The following CAST variants were observed in gnomAD, a reference collection of about 807,000 sequenced individuals.
CAST encodes the protein MIR583 host.
CAST carries 76 observed loss-of-function variants against 119.6 expected under a neutral mutation model. The ratio of observed to expected loss-of-function variants is 0.64; its 90% confidence interval spans 0.53 to 0.77. The LOEUF is 0.77. Ranked by LOEUF, CAST falls within the 30% of genes least tolerant of loss-of-function variation. The pLI is 0.00. For synonymous variants in CAST, 319 were observed against 331.6 expected, an observed-to-expected ratio of 0.96 and a Z score of 0.41; for missense variants, 953 against 946.5, an observed-to-expected ratio of 1.01 and a Z score of -0.09.
the CAST span, among the ~76,000 whole-genome samples, chr5:96,333,854 T>C: frequency 3.3e-5 from 5 of 152,174 alleles, no homozygotes; most frequent in African/African-American, 1.2e-4. Context: ...TCTCTGAGCT[T>C]CATTTATTCT....
chr5:96,763,402 G>A (rs1383916426), intron 25 of CAST, among the ~76,000 whole-genome samples: 1 of 152,212 alleles, frequency 6.6e-6, no homozygotes, highest in African/African-American at 2.4e-5. Context: ...CCACAATGAA[G>A]AAAGTCCCCA....
chr5:96,074,928 T>C, the CAST span, among the ~76,000 whole-genome samples: 24 of 152,330 alleles, frequency 1.6e-4, no homozygotes, highest in Non-Finnish European at 3.1e-4. Context: ...ACATGGTGAA[T>C]AAACCAGTGG....
At chr5:96,727,644 A>G (rs1759526398) in intron 6 of CAST, 114 bp downstream of exon 6, 2 of 587,148 alleles carry the variant, frequency 3.4e-6, no homozygotes, top group Non-Finnish European at 5.8e-6. Flanking sequence ...TGGCTAATTT[A>G]ATTAATTTTT....
chr5:96,328,273 A>G, the CAST span, among the ~76,000 whole-genome samples: 4 of 152,050 alleles, frequency 2.6e-5, no homozygotes, highest in African/African-American at 4.8e-5. Flanking sequence ...GAAGGCCTGG[A>G]TGAGTGTTTT....
chr5:96,063,372 A>G, the CAST span, among the ~76,000 whole-genome samples: 1 of 152,194 alleles, frequency 6.6e-6, no homozygotes, highest in Admixed American at 6.5e-5. Flanking sequence ...CCAAGTCAGA[A>G]GGACCATCCC....
chr5:96,294,199 T>C, the CAST span, among the ~76,000 whole-genome samples: 2 of 152,256 alleles, frequency 1.3e-5, no homozygotes, highest in Non-Finnish European at 2.9e-5. Flanking sequence ...GCTATCTCTA[T>C]GCATTGACTT....
chr5:96,447,297 T>C, the CAST span, among the ~76,000 whole-genome samples: 3 of 152,216 alleles, frequency 2.0e-5, no homozygotes, highest in Non-Finnish European at 4.4e-5. Context: ...ACCAGTGGAC[T>C]TGAGGAAGCT....
the CAST span, among the ~76,000 whole-genome samples, chr5:96,510,267 A>T: frequency 7.0e-4 from 106 of 152,330 alleles, no homozygotes; most frequent in Middle Eastern, 3.4e-3. Flanking sequence ...CATTCATCCA[A>T]TGGCCTTTGG....
intron 1 of CAST, among the ~76,000 whole-genome samples, chr5:96,561,258 T>C (rs1746353906): frequency 6.7e-6 from 1 of 148,920 alleles, no homozygotes; most frequent in African/African-American, 2.5e-5. Flanking sequence ...TAATGTTAAA[T>C]GATGAGTTAA....
intron 1 of CAST, among the ~76,000 whole-genome samples, chr5:96,622,031 G>A (rs956894122): frequency 2.3e-4 from 33 of 142,764 alleles, no homozygotes; most frequent in African/African-American, 7.7e-4. Flanking sequence ...GTGCAGTGGC[G>A]CAATCTCGGC....
In CAST at chr5:96,742,673, G is replaced by A. The variant is rs776042410; in HGVS notation, c.1117G>A (p.Ala373Thr). ...KVEKDTMSDQ[A>T]LEALSASLGT... ...TTAACAGGATACAATGAGTGATCAA[G>A]CACTCGAGGCTCTGTCGGCTTCACT... Residue 373 changes from alanine (A) to threonine (T), a missense_variant, in exon 16 of 32, where the codon GCA (alanine) becomes ACA (threonine). Ala to Thr is a moderately conservative substitution (Grantham distance 58). Transcript: ENST00000675179. 6.2e-7 allele frequency: 1 copy of A among 1,612,950 alleles called. No homozygotes were observed. The highest frequency in any genetic ancestry group is 8.5e-7 in the Non-Finnish European group (1 of 1,178,954).
At chr5:96,535,346 C>A (rs1745790789) in intron 1 of CAST, among the ~76,000 whole-genome samples, 1 of 151,788 alleles carries the variant, frequency 6.6e-6, no homozygotes, top group Admixed American at 6.6e-5. Flanking sequence ...TATAAGGGAG[C>A]TAACTTTTCA....
chr5:96,603,759 C>CTTTTTTTT (rs70981832), intron 1 of CAST, among the ~76,000 whole-genome samples: 6 of 79,500 alleles, frequency 7.5e-5, no homozygotes, highest in African/African-American at 9.7e-5. Context: ...GTGCTGTACT[C>CTTTTTTTT]TTTTTTTTTT....
At chr5:96,742,856 G>A in intron 16 of CAST, 100 bp downstream of exon 16, 1 of 800,956 alleles carries the variant, frequency 1.2e-6, no homozygotes, top group Non-Finnish European at 2.1e-6. Flanking sequence ...TTTTATTGGA[G>A]AGTAAAAGTG....
At chr5:96,769,425 A>G (rs1581441480) in intron 29 of CAST, 1 of 151,390 alleles carries the variant, frequency 6.6e-6, no homozygotes, top group Admixed American at 6.6e-5. Flanking sequence ...TTGGTACACA[A>G]AAGCCAGTCC....
the CAST span, among the ~76,000 whole-genome samples, chr5:96,133,700 A>G: frequency 6.6e-6 from 1 of 152,184 alleles, no homozygotes; most frequent in Non-Finnish European, 1.5e-5. Context: ...TGGAACTGCA[A>G]TGGTCTAGGC....
the CAST span, among the ~76,000 whole-genome samples, chr5:96,319,567 C>T: frequency 6.6e-6 from 1 of 152,160 alleles, no homozygotes; most frequent in Non-Finnish European, 1.5e-5. Flanking sequence ...AAGACCAATC[C>T]TACAGACTTC....
At chr5:96,501,152 C>T in the CAST span, among the ~76,000 whole-genome samples, 1 of 151,998 alleles carries the variant, frequency 6.6e-6, no homozygotes, top group East Asian at 1.9e-4. Context: ...AGTTATGGGT[C>T]GGATACCAGA....
chr5:96,174,146 C>T, the CAST span, among the ~76,000 whole-genome samples: 1 of 152,118 alleles, frequency 6.6e-6, no homozygotes, highest in Non-Finnish European at 1.5e-5. Flanking sequence ...GGAAGGTCCT[C>T]CTATCAAGCA....
Sources: gnomAD v4.1 joint callset for allele counts (sites outside exome capture counted in the v4.1 genomes callset) on GRCh38, gnomAD v4.1.1 for gene constraint, MANE v1.5 for transcripts, NCBI Gene and HGNC (gene_info 2026-07-23, HGNC 2026-07-21) for gene names.